CFAP97D2: variants seen among roughly 807,000 people sequenced by gnomAD.
CFAP97D2 encodes the protein uncharacterized protein CFAP97D2.
chr13:114,196,216 G>T (rs528734157), intron 1 of CFAP97D2, among the ~76,000 whole-genome samples, 180 bp from the exon 2 acceptor site: 2 of 152,088 alleles, frequency 1.3e-5, no homozygotes, highest in African/African-American at 2.4e-5. Context: ...ATTTCTGAGG[G>T]TGCCTGGCTT....
intron 4 of CFAP97D2, among the ~76,000 whole-genome samples, chr13:114,221,174 G>A (rs1376399615): frequency 1.6e-4 from 25 of 152,368 alleles, no homozygotes; most frequent in Non-Finnish European, 2.8e-4. Flanking sequence ...TTGAACCAGG[G>A]AGGCGGAGGT....
chr13:114,216,915 A>G (rs1015185898), intron 4 of CFAP97D2, among the ~76,000 whole-genome samples: 3 of 152,188 alleles, frequency 2.0e-5, no homozygotes, highest in Non-Finnish European at 4.4e-5. Flanking sequence ...CAACAGTGTA[A>G]AAGTGTTCCT....
intron 4 of CFAP97D2, among the ~76,000 whole-genome samples, chr13:114,217,611 A>G (rs536545659): frequency 1.7e-3 from 256 of 152,310 alleles, no homozygotes; most frequent in African/African-American, 5.9e-3. Context: ...GTGAACATCA[A>G]TGCAAAAATC....
At chr13:114,190,904 G>A (rs2080867030) in intron 1 of CFAP97D2, among the ~76,000 whole-genome samples, 1 of 152,210 alleles carries the variant, frequency 6.6e-6, no homozygotes, top group African/African-American at 2.4e-5. Context: ...CATCAACACA[G>A]TGTGGTATTA....
chr13:114,222,458 C>G lies in CFAP97D2; in HGVS notation c.481-40C>G, dbSNP rs2081025771. On this transcript the variant is annotated intron_variant, in intron 4 of 4. Coordinates refer to ENST00000646158, the Ensembl canonical transcript of CFAP97D2. This position sits in a 1 kb window ranked among gnomAD's most constrained non-coding sequence, Gnocchi z 4.4. Reference sequence around the variant, plus strand: ...TAAGTTGATAGTTTCTTGTTCTTGCCTAAGAAAGCGTTAGTTTCAAATATG... The same window carrying G: ...TAAGTTGATAGTTTCTTGTTCTTGCGTAAGAAAGCGTTAGTTTCAAATATG... The G allele has an allele frequency of 2.5e-6, 1 of 398,466 alleles. No homozygotes were observed. The highest frequency in any genetic ancestry group is 2.1e-5 in the African/African-American group (1 of 48,696). The allele number at this position is 398,466 out of a possible 1,614,324, so 24.7% of individuals were successfully genotyped here. A position where few individuals can be genotyped will look rare whatever the true frequency, so the allele number is the denominator to read the frequency against.
intron 4 of CFAP97D2, among the ~76,000 whole-genome samples, chr13:114,217,046 G>A (rs2080996978): frequency 1.3e-5 from 2 of 152,110 alleles, no homozygotes; most frequent in South Asian, 4.1e-4. Flanking sequence ...GGCCAGTGAT[G>A]GTGAGCATTT....
At chr13:114,190,239 T>G (rs2080864462) in intron 1 of CFAP97D2, among the ~76,000 whole-genome samples, 1 of 152,128 alleles carries the variant, frequency 6.6e-6, no homozygotes, top group African/African-American at 2.4e-5. Context: ...AACAAGGCAC[T>G]CACCACTCCT....
At chr13:114,210,693 T>C (rs1370898711) in intron 3 of CFAP97D2, among the ~76,000 whole-genome samples, 2 of 152,044 alleles carry the variant, frequency 1.3e-5, no homozygotes, top group Non-Finnish European at 2.9e-5. Flanking sequence ...CTGTTGTCAC[T>C]CCTGAGCACC....
intron 1 of CFAP97D2, among the ~76,000 whole-genome samples, chr13:114,182,738 A>G (rs1249982220): frequency 6.6e-6 from 1 of 152,212 alleles, no homozygotes; most frequent in African/African-American, 2.4e-5. Context: ...TTAAACCTTG[A>G]TTTCATACAA....
At chr13:114,191,291 A>T (rs1376238201) in intron 1 of CFAP97D2, among the ~76,000 whole-genome samples, 4 of 152,202 alleles carry the variant, frequency 2.6e-5, no homozygotes, top group Non-Finnish European at 5.9e-5. Context: ...TAAAATTAAA[A>T]GCTTCTGCTC....
chr13:114,209,566 TGGTCTAGAGGAAGGAA>T (rs1383979378), intron 3 of CFAP97D2, among the ~76,000 whole-genome samples: 1 of 152,222 alleles, frequency 6.6e-6, no homozygotes, highest in Non-Finnish European at 1.5e-5. Context: ...AAGGTCCTGA[TGGTCTAGAGGAAGGAA>T]GGTCTAGAGG....
chr13:114,214,717 G>C (rs2080985810), intron 4 of CFAP97D2, among the ~76,000 whole-genome samples: 1 of 152,092 alleles, frequency 6.6e-6, no homozygotes, highest in Admixed American at 6.5e-5. Context: ...CTCCTCAGTA[G>C]CTGGGGTTAT....
chr13:114,191,569 C>T (rs1469965802), intron 1 of CFAP97D2, among the ~76,000 whole-genome samples: 1 of 152,098 alleles, frequency 6.6e-6, no homozygotes, highest in African/African-American at 2.4e-5. Context: ...CAATAATGGC[C>T]AAAATCCAGA....
intron 1 of CFAP97D2, among the ~76,000 whole-genome samples, chr13:114,182,406 G>A (rs570647935): frequency 2.0e-4 from 31 of 152,088 alleles, no homozygotes; most frequent in South Asian, 4.2e-4. Context: ...GTTCCCAGGG[G>A]CAGGCAGGAG....
intron 1 of CFAP97D2, among the ~76,000 whole-genome samples, chr13:114,182,498 G>A (rs1021863827): frequency 1.8e-4 from 28 of 151,738 alleles, no homozygotes; most frequent in South Asian, 1.7e-3. Flanking sequence ...TACCGGTGTC[G>A]GGCTGGGGTA....
intron 3 of CFAP97D2, among the ~76,000 whole-genome samples, chr13:114,210,855 T>TACAC (rs34230424): frequency 0.058 from 8,347 of 144,858 alleles, 356 homozygotes; most frequent in African/African-American, 0.12. Context: ...ATTTCATTGA[T>TACAC]ACACACACAC....
At chr13:114,191,863 C>T (rs1197892839) in intron 1 of CFAP97D2, among the ~76,000 whole-genome samples, 12 of 152,104 alleles carry the variant, frequency 7.9e-5, no homozygotes, top group South Asian at 4.2e-4. Flanking sequence ...AAATAAACCA[C>T]GGTACACCCA....
In CFAP97D2 at chr13:114,179,414, G is replaced by A; in HGVS notation, c.84G>A (p.Arg28=). The change falls in exon 1 of 5, where the codon AGG becomes AGA. Residue 28 remains arginine, a synonymous_variant. Transcript: ENST00000646158. The surrounding 1 kb of genome is among the most constrained non-coding windows in gnomAD (Gnocchi z 4.8). The stretch of plus-strand genomic sequence containing the variant: ...GGGAGAAAGCCTATCAGGACCACAG[G>A]AGAAAGGTAGGAAAGTCCCCAATCC... 1 of 398,632 alleles carries A rather than the reference G, an allele frequency of 2.5e-6. No individual in the cohort carries two copies. Among genetic ancestry groups the A allele is most frequent in the Non-Finnish European group, 4.4e-6 (1 of 226,082 alleles). The allele number at this position is 398,632 out of a possible 1,614,324, so 24.7% of individuals were successfully genotyped here.
Position 114,207,621 on chromosome 13 carries a change from A to T in CFAP97D2, c.291-4291A>T, listed in dbSNP as rs1414784845. Among the ~76,000 whole-genome samples the T allele has an allele frequency of 6.6e-6, 1 of 152,198 alleles. No homozygotes were observed. Among genetic ancestry groups the T allele is most frequent in the African/African-American group, 2.4e-5 (1 of 41,460 alleles). On this transcript the variant is annotated intron_variant, in intron 3 of 4. Coordinates refer to ENST00000646158, the Ensembl canonical transcript of CFAP97D2. This position sits in a 1 kb window ranked among gnomAD's most constrained non-coding sequence, Gnocchi z 4.9. ...TGCCAGCAATGGGGAGTGGCTGTGA[A>T]TACAGATGAAGCTTCGCTCCCTCGC...
Sources: gnomAD v4.1 joint callset for allele counts (sites outside exome capture counted in the v4.1 genomes callset) on GRCh38, gnomAD v4.1.1 for gene constraint, Gnocchi (gnomAD v3.1) non-coding constraint, MANE v1.5 for transcripts, NCBI Gene and HGNC (gene_info 2026-07-23, HGNC 2026-07-21) for gene names.